Variants in CTDSPL observed in about 807,000 individuals in gnomAD.
The protein encoded by CTDSPL is CTD small phosphatase-like protein.
A neutral mutation model predicts 30.5 loss-of-function variants in CTDSPL; 8 were observed. That is an observed-to-expected ratio of 0.26 (90% confidence interval 0.15 to 0.47). The LOEUF is 0.47. CTDSPL is among the 20% of genes least tolerant of loss of function. The pLI is 0.99. For synonymous variants in CTDSPL, 110 were observed against 137.9 expected (o/e 0.80, Z 1.42); for missense variants, 248 against 366.1 (o/e 0.68, Z 2.63).
intron 1 of CTDSPL, among the ~76,000 whole-genome samples, chr3:37,901,669 G>A (rs1271618123): frequency 6.6e-6 from 1 of 152,152 alleles, no homozygotes; most frequent in African/African-American, 2.4e-5. Flanking sequence ...GAGAGCAGGA[G>A]GTGGTACCAT....
rs1379825898 is a variant in CTDSPL, at chr3:37,862,263, G to A, written c.64G>A (p.Gly22Ser). The change falls in exon 1 of 8, where the codon GGC becomes AGC. Residue 22 changes from glycine (G) to serine (S), a missense_variant. Physicochemically the swap from Gly to Ser is moderately conservative, Grantham distance 56. Transcript: ENST00000273179. The surrounding 1 kb of genome is among the most constrained non-coding windows in gnomAD (Gnocchi z 4.3). ...CAAGGAGGACGAGGGCCGGTTGCCG[G>A]GCGCGGGCGAGAAAGGTGAGGAGGG... Reference protein sequence around the residue: ...NPKEDEGRLPGAGEKASQCNV... With the variant: ...NPKEDEGRLPSAGEKASQCNV... The A allele has an allele frequency of 1.3e-6, 2 of 1,495,988 alleles. No individual in the cohort carries two copies. Among genetic ancestry groups the A allele is most frequent in the South Asian group, 2.5e-5 (2 of 79,368 alleles). The allele number at this position is 1,495,988 out of a possible 1,614,324, so 92.7% of individuals were successfully genotyped here.
At chr3:37,917,205 C>G (rs1053672597) in intron 1 of CTDSPL, among the ~76,000 whole-genome samples, 37 of 152,182 alleles carry the variant, frequency 2.4e-4, no homozygotes, top group African/African-American at 8.4e-4. Context: ...ACAGTACGGA[C>G]AGAGACAAAC....
intron 1 of CTDSPL, among the ~76,000 whole-genome samples, chr3:37,865,804 C>T (rs760479471): frequency 6.6e-6 from 1 of 152,008 alleles, no homozygotes; most frequent in African/African-American, 2.4e-5. Flanking sequence ...AAAGCAGAAA[C>T]GCAAAAACAT....
intron 5 of CTDSPL, chr3:37,968,553 G>T: frequency 4.6e-6 from 1 of 215,250 alleles, no homozygotes; most frequent in South Asian, 5.7e-5. Context: ...GTTGAAGCTG[G>T]GGGGCTTTTG....
chr3:37,862,354 C>T lies in CTDSPL; in HGVS notation c.79+76C>T, dbSNP rs1043806023. 3.1e-6 allele frequency: 4 copies of T among 1,280,942 alleles called. No individual in the cohort carries two copies. The South Asian group carries it at 5.0e-5, about 16-fold the overall frequency. The allele number at this position is 1,280,942 out of a possible 1,614,324, so 79.3% of individuals were successfully genotyped here. On this transcript the variant is annotated intron_variant, in intron 1 of 7. Coordinates refer to ENST00000273179, the MANE Select transcript of CTDSPL (RefSeq NM_001008392.2). This position sits in a 1 kb window ranked among gnomAD's most constrained non-coding sequence, Gnocchi z 4.3. ...GCCGCTGGAGTTCACTGCCGGGCGCCGGCATGGGCCTGGGGGAGGGGTGCA... is the reference window on the plus strand; with the variant it reads ...GCCGCTGGAGTTCACTGCCGGGCGCTGGCATGGGCCTGGGGGAGGGGTGCA...
intron 6 of CTDSPL, among the ~76,000 whole-genome samples, chr3:37,972,522 A>G (rs558459356): frequency 4.1e-4 from 62 of 152,306 alleles, no homozygotes; most frequent in Non-Finnish European, 1.8e-4. Flanking sequence ...TGGTGATGAT[A>G]AAATCATTCA....
At chr3:37,867,770 A>G (rs1475867425) in intron 1 of CTDSPL, among the ~76,000 whole-genome samples, 1 of 152,176 alleles carries the variant, frequency 6.6e-6, no homozygotes, top group Non-Finnish European at 1.5e-5. Context: ...CATTATCAAA[A>G]CCAGGAAATT....
intron 5 of CTDSPL, 129 bp downstream of exon 5, chr3:37,968,011 A>G: frequency 3.1e-6 from 2 of 635,268 alleles, no homozygotes. Flanking sequence ...GCATACTGTA[A>G]TAAATACAAT....
intron 1 of CTDSPL, among the ~76,000 whole-genome samples, chr3:37,931,765 T>C (rs933835293): frequency 2.0e-5 from 3 of 152,124 alleles, no homozygotes; most frequent in African/African-American, 7.2e-5. Context: ...CCAATCTTAA[T>C]CTTGGAACAG....
intron 1 of CTDSPL, among the ~76,000 whole-genome samples, chr3:37,924,387 CAAT>C (rs1004945354): frequency 2.0e-5 from 3 of 152,026 alleles, no homozygotes; most frequent in South Asian, 2.1e-4. Flanking sequence ...AACTGAAAAA[CAAT>C]GATGTGTGAT....
intron 1 of CTDSPL, among the ~76,000 whole-genome samples, chr3:37,898,779 A>G (rs1422074848): frequency 6.6e-6 from 1 of 152,160 alleles, no homozygotes; most frequent in Non-Finnish European, 1.5e-5. Flanking sequence ...AAATTAATTA[A>G]TTACAGATTA....
chr3:37,927,636 ATGTGTGTGTGTGTG>A (rs71094932), intron 1 of CTDSPL, among the ~76,000 whole-genome samples: 27 of 115,786 alleles, frequency 2.3e-4, no homozygotes, highest in Admixed American at 9.8e-4. Context: ...AGAAAAATAT[ATGTGTGTGTGTGTG>A]TGTGTGTGTG....
At chr3:37,918,682 G>A (rs138982728) in intron 1 of CTDSPL, among the ~76,000 whole-genome samples, 152 of 152,188 alleles carry the variant, frequency 1.0e-3, no homozygotes, top group Non-Finnish European at 1.8e-3. Context: ...TAACTCTAAG[G>A]GATTGTATTC....
intron 1 of CTDSPL, among the ~76,000 whole-genome samples, chr3:37,943,282 G>A (rs1215613296): frequency 6.7e-6 from 1 of 150,198 alleles, no homozygotes; most frequent in Non-Finnish European, 1.5e-5. Flanking sequence ...GTTGGCGAAG[G>A]CTTCCTGGGT....
At chr3:37,932,919 G>A (rs1698871240) in intron 1 of CTDSPL, among the ~76,000 whole-genome samples, 3 of 152,160 alleles carry the variant, frequency 2.0e-5, no homozygotes, top group African/African-American at 4.8e-5. Context: ...TTGGGAGGCC[G>A]AGGCATGTGG....
intron 1 of CTDSPL, among the ~76,000 whole-genome samples, chr3:37,870,762 GT>G (rs1698063010): frequency 1.3e-5 from 2 of 151,992 alleles, no homozygotes; most frequent in African/African-American, 4.8e-5. Context: ...TGCAATTTTG[GT>G]TTTCATTCAG....
At chr3:37,972,932 T>C (rs549710302) in intron 6 of CTDSPL, among the ~76,000 whole-genome samples, 1 of 152,368 alleles carries the variant, frequency 6.6e-6, no homozygotes, top group African/African-American at 2.4e-5. Flanking sequence ...CTCCGCCATG[T>C]CCTGCTTCTG....
At chr3:37,971,533 C>T in intron 6 of CTDSPL, 34 bp downstream of exon 6, 2 of 1,585,994 alleles carry the variant, frequency 1.3e-6, no homozygotes, top group Non-Finnish European at 1.7e-6. Context: ...CACTCCCAGC[C>T]TGGTACTCCC....
intron 1 of CTDSPL, among the ~76,000 whole-genome samples, chr3:37,888,131 G>A (rs1050211872): frequency 3.9e-5 from 6 of 152,112 alleles, no homozygotes; most frequent in African/African-American, 4.8e-5. Context: ...AAGGATCCAC[G>A]CATGCCCTGT....
Sources: allele counts gnomAD v4.1 joint callset (sites outside exome capture counted in the v4.1 genomes callset), GRCh38; gene constraint gnomAD v4.1.1; non-coding constraint Gnocchi (gnomAD v3.1); transcripts MANE v1.5; gene names NCBI Gene and HGNC (gene_info 2026-07-23, HGNC 2026-07-21).